COL4A4: variants seen among roughly 807,000 people sequenced by gnomAD.
COL4A4 encodes collagen alpha-4(IV) chain.
A neutral mutation model predicts 192.9 loss-of-function variants in COL4A4; 105 were observed. The ratio of observed to expected loss-of-function variants is 0.54; its 90% CI spans 0.46 to 0.64. The LOEUF (loss-of-function observed/expected upper bound fraction) is 0.64. Ranked by LOEUF, COL4A4 falls within the 30% of genes least tolerant of loss-of-function variation. The probability of loss-of-function intolerance (pLI) is 0.00; values close to 1 mark genes in which losing one functional copy is unlikely to be tolerated. For missense variants in COL4A4, 1,967 were observed against 2,169.3 expected (o/e 0.91, Z 1.85); for synonymous variants, 762 against 769.9 (o/e 0.99, Z 0.17).
At chr2:227,061,187 T>C (rs1976924975) in intron 26 of COL4A4, among the ~76,000 whole-genome samples, 1 of 152,214 alleles carries the variant, frequency 6.6e-6, no homozygotes, top group Admixed American at 6.5e-5. Flanking sequence ...AAACTTTTTT[T>C]TATCCACCCA....
chr2:227,104,560 C>T (rs1472309933), intron 12 of COL4A4, among the ~76,000 whole-genome samples: 7 of 139,936 alleles, frequency 5.0e-5, no homozygotes, highest in East Asian at 2.1e-4. Flanking sequence ...CCAGCCTGGG[C>T]GACAGAGCGA....
At chr2:227,118,485 T>C (rs115056495) in intron 7 of COL4A4, among the ~76,000 whole-genome samples, 160 bp downstream of exon 7, 326 of 152,308 alleles carry the variant, frequency 2.1e-3, no homozygotes, top group African/African-American at 7.4e-3. Flanking sequence ...ATGTTCTAAG[T>C]CCTGCCTATC....
At position 227,111,695 on chromosome 2, in the gene COL4A4, C is replaced by T; in HGVS notation, c.577G>A (p.Gly193Arg). 6.2e-7 allele frequency: 1 copy of T among 1,614,140 alleles called. No individual in the cohort carries two copies. The highest frequency in any genetic ancestry group is 8.5e-7 in the Non-Finnish European group (1 of 1,179,990). Residue 193 changes from glycine (G) to arginine (R), a missense_variant, in exon 9 of 48, where the codon GGA becomes AGA. Transcript: ENST00000396625. ...AGACTTACTGGTAAGCCAGGCAGTC[C>T]TGGGTCCCCTCTGTCTCCCTGCAAA... ...KGIQGDRGDP[G>R]LPGLPGSWGA... is the part of the protein sequence containing the mutation.
At chr2:227,103,103 A>T in intron 14 of COL4A4, 41 bp downstream of exon 14, 1 of 1,509,672 alleles carries the variant, frequency 6.6e-7, no homozygotes, top group Non-Finnish European at 9.0e-7. Flanking sequence ...AAGATAGTAC[A>T]TCACACAAAT....
At chr2:227,063,505 A>G (rs1246546898) in intron 25 of COL4A4, among the ~76,000 whole-genome samples, 1 of 152,134 alleles carries the variant, frequency 6.6e-6, no homozygotes, top group Non-Finnish European at 1.5e-5. Flanking sequence ...AGAACAAAGG[A>G]TATTACTTTG....
intron 12 of COL4A4, among the ~76,000 whole-genome samples, chr2:227,108,313 T>C (rs2060979186): frequency 1.3e-5 from 2 of 152,208 alleles, no homozygotes; most frequent in African/African-American, 2.4e-5. Flanking sequence ...ACTCTGGACA[T>C]AATATATTGT....
At chr2:227,043,220 T>C in intron 35 of COL4A4, 36 bp from the exon 36 acceptor site, 2 of 1,535,648 alleles carry the variant, frequency 1.3e-6, no homozygotes, top group South Asian at 2.2e-5. Flanking sequence ...GAGTTGCCGT[T>C]TGAGACAGTG....
At chr2:227,071,395 A>T (rs945856630) in intron 25 of COL4A4, among the ~76,000 whole-genome samples, 1 of 152,190 alleles carries the variant, frequency 6.6e-6, no homozygotes, top group African/African-American at 2.4e-5. Flanking sequence ...TTTTAGATTC[A>T]AAAAACAATT....
intron 19 of COL4A4, 23 bp downstream of exon 19, chr2:227,098,671 A>G (rs1004204840): frequency 1.9e-6 from 3 of 1,586,922 alleles, no homozygotes; most frequent in Admixed American, 1.7e-5. Context: ...TGTAAAAGCC[A>G]GGGCACATCA....
At chr2:227,084,883 G>A (rs1436076181) in intron 22 of COL4A4, among the ~76,000 whole-genome samples, 1 of 152,108 alleles carries the variant, frequency 6.6e-6, no homozygotes, top group Non-Finnish European at 1.5e-5. Flanking sequence ...TGTAATCCCA[G>A]CACTTTGGGA....
chr2:227,073,733 A>G (rs971421570), intron 25 of COL4A4, among the ~76,000 whole-genome samples: 2 of 152,154 alleles, frequency 1.3e-5, no homozygotes, highest in Non-Finnish European at 2.9e-5. Context: ...GAATCCAGAA[A>G]CAAAGCCAAA....
At position 227,103,206 on chromosome 2, in the gene COL4A4, T is replaced by G. The variant is rs1258406102; in HGVS notation, c.817-9A>C. The G allele has an allele frequency of 6.2e-7, 1 of 1,606,388 alleles. No homozygotes were observed. The highest frequency in any genetic ancestry group is 8.5e-7 in the Non-Finnish European group (1 of 1,173,676). On this transcript the variant is annotated splice_polypyrimidine_tract_variant and intron_variant, in intron 13 of 47. Coordinates refer to ENST00000396625, the MANE Select transcript of COL4A4 (RefSeq NM_000092.5). ...GGAATTCCTTTTATACCCTAAAAAT[T>G]ACAATGAATATAATTTGGTCTATTC...
At chr2:226,992,606 G>A in the COL4A4 span, among the ~76,000 whole-genome samples, 2 of 152,214 alleles carry the variant, frequency 1.3e-5, no homozygotes, top group Non-Finnish European at 2.9e-5. Context: ...GAACTTTAGA[G>A]TTACGTCTTT....
At chr2:227,102,549 G>A (rs1574390) in intron 15 of COL4A4, among the ~76,000 whole-genome samples, 1 of 152,054 alleles carries the variant, frequency 6.6e-6, no homozygotes, top group Non-Finnish European at 1.5e-5. Flanking sequence ...ACAAGAGATG[G>A]CACAATCCTG....
chr2:227,091,475 T>C (rs915259541), intron 20 of COL4A4, among the ~76,000 whole-genome samples: 1 of 137,400 alleles, frequency 7.3e-6, no homozygotes, highest in Non-Finnish European at 1.6e-5. Flanking sequence ...ATAGATAGAG[T>C]ACAGAAAGAG....
downstream of COL4A4, among the ~76,000 whole-genome samples, chr2:227,002,289 C>A (rs1477332623): frequency 6.6e-6 from 1 of 151,906 alleles, no homozygotes; most frequent in Non-Finnish European, 1.5e-5. Flanking sequence ...CTCCTGACTT[C>A]AAGTCACAGT....
In COL4A4 at chr2:227,006,837, A is replaced by G. The variant is rs1575684882; in HGVS notation, c.*488T>C. 6.2e-6 allele frequency: 1 copy of G among 160,272 alleles called. No homozygotes were observed. The highest frequency in any genetic ancestry group is 2.4e-5 in the African/African-American group (1 of 41,378). 9.9% of individuals were successfully genotyped at this position (160,272 alleles called of 1,614,324 possible). A position where few individuals can be genotyped will look rare whatever the true frequency, so the allele number is the denominator to read the frequency against. On this transcript the variant is annotated 3_prime_UTR_variant, in exon 48 of 48. Transcript: ENST00000396625. Reference sequence around the variant, plus strand: ...TTATTTAAAGTATATGGAAAAATAGATTACAGAGGAAATCATTTTGAAATG... The same window carrying G: ...TTATTTAAAGTATATGGAAAAATAGGTTACAGAGGAAATCATTTTGAAATG...
chr2:227,082,060 GGGTC>G (rs767679322), intron 23 of COL4A4, 51 bp downstream of exon 23: 23 of 1,375,862 alleles, frequency 1.7e-5, no homozygotes, highest in Non-Finnish European at 2.3e-5. Context: ...TGCAAGAGGA[GGGTC>G]CATACATCAT....
the COL4A4 span, among the ~76,000 whole-genome samples, chr2:226,973,155 G>A: frequency 6.6e-6 from 1 of 152,116 alleles, no homozygotes; most frequent in Non-Finnish European, 1.5e-5. Context: ...TTTGCAGTGT[G>A]TATGTGTGTG....
Sources: allele counts gnomAD v4.1 joint callset (sites outside exome capture counted in the v4.1 genomes callset), GRCh38; gene constraint gnomAD v4.1.1; transcripts MANE v1.5; gene names NCBI Gene and HGNC (gene_info 2026-07-23, HGNC 2026-07-21).